PPP6R2: variants seen among roughly 807,000 people sequenced by gnomAD.
PPP6R2 encodes the protein protein phosphatase 6 regulatory subunit 2, also known as serine/threonine-protein phosphatase 6 regulatory subunit 2.
Under a neutral mutation model 100.2 loss-of-function variants are expected in PPP6R2, and 62 were observed. That is an observed-to-expected ratio of 0.62 (90% CI 0.50 to 0.76). PPP6R2 has a LOEUF of 0.76. Among genes scored for constraint, PPP6R2 ranks in the 30% least tolerant of loss-of-function variants. The probability of loss-of-function intolerance (pLI) is 0.00; values close to 1 mark genes in which losing one functional copy is unlikely to be tolerated. For synonymous variants in PPP6R2, 525 were observed against 514.7 expected, an observed-to-expected ratio of 1.02 and a Z score of -0.27; for missense variants, 1,142 against 1,276.3, an observed-to-expected ratio of 0.89 and a Z score of 1.60.
the PPP6R2 span, among the ~76,000 whole-genome samples, chr22:50,333,093 C>T: frequency 3.3e-5 from 5 of 152,164 alleles, no homozygotes; most frequent in East Asian, 3.9e-4. Flanking sequence ...GAGCTGTGAT[C>T]GCACCAGTGC....
chr22:50,365,337 C>G (rs2048543873), intron 1 of PPP6R2, among the ~76,000 whole-genome samples: 1 of 151,962 alleles, frequency 6.6e-6, no homozygotes, highest in South Asian at 2.1e-4. Flanking sequence ...TCCCAAAGTG[C>G]TGGGATTACA....
At chr22:50,334,255 A>G in the PPP6R2 span, among the ~76,000 whole-genome samples, 14 of 152,214 alleles carry the variant, frequency 9.2e-5, no homozygotes, top group Non-Finnish European at 1.9e-4. Context: ...GCTGAGTAAC[A>G]GGTGCCTTCC....
intron 1 of PPP6R2, among the ~76,000 whole-genome samples, chr22:50,349,397 G>A (rs1335458277): frequency 1.3e-5 from 2 of 148,524 alleles, no homozygotes; most frequent in Non-Finnish European, 3.0e-5. Flanking sequence ...GGCTGGACGT[G>A]GTGACTCGTG....
chr22:50,414,434 T>C (rs1294121729), intron 4 of PPP6R2, 118 bp from the exon 5 acceptor site: 4 of 1,143,554 alleles, frequency 3.5e-6, no homozygotes, highest in Non-Finnish European at 4.9e-6. Context: ...TCTGGGTCTT[T>C]CCGTTATTTC....
chr22:50,368,684 AGGTC>A (rs2049293934), intron 1 of PPP6R2, among the ~76,000 whole-genome samples: 2 of 152,072 alleles, frequency 1.3e-5, no homozygotes, highest in East Asian at 3.9e-4. Context: ...CCACAATACA[AGGTC>A]TCACTTTGTC....
At chr22:50,438,434 AGCGG>A in intron 18 of PPP6R2, 136 bp downstream of exon 18, 2 of 1,467,338 alleles carry the variant, frequency 1.4e-6, no homozygotes, top group Non-Finnish European at 1.8e-6. Context: ...GGCCCAATGC[AGCGG>A]GTGACCCTAA....
intron 11 of PPP6R2, 119 bp from the exon 12 acceptor site, chr22:50,432,146 G>C: frequency 1.1e-6 from 1 of 885,362 alleles, no homozygotes; most frequent in South Asian, 1.6e-5. Flanking sequence ...AGCAGTCAGG[G>C]CCTGCAAAGT....
intron 4 of PPP6R2, among the ~76,000 whole-genome samples, chr22:50,409,871 C>A (rs975711405): frequency 1.3e-5 from 2 of 151,864 alleles, no homozygotes; most frequent in Non-Finnish European, 2.9e-5. Flanking sequence ...GGATTACAGG[C>A]GCCTGCCACC....
At chr22:50,370,420 T>C (rs535082925) in intron 1 of PPP6R2, among the ~76,000 whole-genome samples, 24 of 151,468 alleles carry the variant, frequency 1.6e-4, no homozygotes, top group African/African-American at 5.8e-4. Flanking sequence ...CCCGAGGAGA[T>C]GGGATTACAG....
chr22:50,407,848 C>T (rs570910657), intron 4 of PPP6R2, among the ~76,000 whole-genome samples: 30 of 151,070 alleles, frequency 2.0e-4, no homozygotes, highest in Non-Finnish European at 3.2e-4. Flanking sequence ...AAATCCCAGA[C>T]ACCAGATTAT....
intron 10 of PPP6R2, among the ~76,000 whole-genome samples, chr22:50,430,397 A>G (rs544528921): frequency 5.2e-5 from 8 of 152,386 alleles, no homozygotes; most frequent in South Asian, 2.1e-4. Flanking sequence ...CACACTTCCA[A>G]TAATTCATGA....
chr22:50,426,476 G>A (rs1461919808), intron 10 of PPP6R2, among the ~76,000 whole-genome samples: 1 of 152,128 alleles, frequency 6.6e-6, no homozygotes, highest in African/African-American at 2.4e-5. Flanking sequence ...TGTATCTGGT[G>A]TAAAGTAAGG....
At chr22:50,355,592 C>T (rs2046349674) in intron 1 of PPP6R2, among the ~76,000 whole-genome samples, 1 of 147,714 alleles carries the variant, frequency 6.8e-6, no homozygotes, top group South Asian at 2.1e-4. Flanking sequence ...GCGATCTTGG[C>T]TCACTGCAAG....
intron 1 of PPP6R2, among the ~76,000 whole-genome samples, chr22:50,366,872 A>G (rs565910817): frequency 6.4e-4 from 97 of 151,496 alleles, no homozygotes; most frequent in African/African-American, 2.2e-3. Context: ...TTTCCAGCAG[A>G]AGCTGGACAA....
At chr22:50,390,283 C>T (rs978615271) in intron 2 of PPP6R2, among the ~76,000 whole-genome samples, 23 of 151,982 alleles carry the variant, frequency 1.5e-4, no homozygotes, top group Non-Finnish European at 5.9e-5. Context: ...GGAGCCACCG[C>T]GCCCAGCCCA....
intron 1 of PPP6R2, among the ~76,000 whole-genome samples, 181 bp from the exon 2 acceptor site, chr22:50,371,839 T>C (rs973247516): frequency 2.0e-5 from 3 of 152,230 alleles, no homozygotes; most frequent in Admixed American, 6.5e-5. Context: ...GGTTTTTCCA[T>C]GTCACCCAAG....
At chr22:50,335,753 G>A in the PPP6R2 span, among the ~76,000 whole-genome samples, 3 of 141,190 alleles carry the variant, frequency 2.1e-5, no homozygotes, top group Non-Finnish European at 3.0e-5. Flanking sequence ...TTGGCTCACT[G>A]CAAACTCCAC....
In PPP6R2 at chr22:50,442,794, C is replaced by T. The variant is rs367748521; in HGVS notation, c.2580-1072C>T. Among the ~76,000 whole-genome samples, 598 of 151,710 alleles carry T rather than the reference C, an allele frequency of 3.9e-3. 5 individuals carry two copies. Among genetic ancestry groups the T allele is most frequent in the African/African-American group, 0.013 (556 of 41,488 alleles). Reference sequence around the variant, plus strand: ...GTCTCGATCTCCTGACCTCATGATCCGCCTGCCTCGGCCTCCCAAAGTGCT... The same window carrying T: ...GTCTCGATCTCCTGACCTCATGATCTGCCTGCCTCGGCCTCCCAAAGTGCT... On this transcript the variant is annotated intron_variant, in intron 22 of 23. Transcript: ENST00000612753.
intron 13 of PPP6R2, among the ~76,000 whole-genome samples, chr22:50,436,006 C>A (rs181136201): frequency 1.3e-5 from 2 of 152,332 alleles, no homozygotes; most frequent in East Asian, 3.9e-4. Context: ...AGGAAGCTGG[C>A]TGCTTTCTCA....
Sources: gnomAD v4.1 joint callset for allele counts (sites outside exome capture counted in the v4.1 genomes callset) on GRCh38, gnomAD v4.1.1 for gene constraint, MANE v1.5 for transcripts, NCBI Gene and HGNC (gene_info 2026-07-23, HGNC 2026-07-21) for gene names.